Variants in DAB2IP observed in about 807,000 individuals in gnomAD.
The protein encoded by DAB2IP is disabled homolog 2-interacting protein.
DAB2IP carries 28 observed loss-of-function variants against 107.2 expected under a neutral mutation model. The observed-to-expected ratio is 0.26, with a 90% confidence interval of 0.19 to 0.36. The LOEUF (loss-of-function observed/expected upper bound fraction) is 0.36. DAB2IP is among the 10% of genes least tolerant of loss of function. DAB2IP has a pLI of 1.00. For missense variants in DAB2IP, 1,400 were observed against 1,644.7 expected (o/e 0.85, Z 2.57); for synonymous variants, 755 against 706.4 (o/e 1.07, Z -1.09).
chr9:121,749,592 C>G (rs1312191650), intron 3 of DAB2IP, among the ~76,000 whole-genome samples: 3 of 152,140 alleles, frequency 2.0e-5, no homozygotes, highest in Admixed American at 2.0e-4. Context: ...GGGCTGGAGA[C>G]TGGGGCTGGA....
Position 121,776,082 on chromosome 9 carries a change from C to G in DAB2IP, c.3121-116C>G. The G allele has an allele frequency of 8.0e-7, 1 of 1,251,546 alleles. No individual in the cohort carries two copies. 77.5% of individuals were successfully genotyped at this position (1,251,546 alleles called of 1,614,324 possible). On this transcript the variant is annotated intron_variant, in intron 13 of 15. Coordinates refer to ENST00000408936, the Ensembl canonical transcript of DAB2IP. The surrounding 1 kb of genome is among the most constrained non-coding windows in gnomAD (Gnocchi z 5.4). ...CTTGCTATGTGAAGTGGGCGGGTCA[C>G]AGCCACTGGGGCCTTTCAAGTGGGG...
At chr9:121,623,928 T>A (rs1221964093) in intron 1 of DAB2IP, among the ~76,000 whole-genome samples, 1 of 152,204 alleles carries the variant, frequency 6.6e-6, no homozygotes, top group African/African-American at 2.4e-5. Flanking sequence ...TTACTTCACA[T>A]CTGTAAGCTG....
At chr9:121,762,496 C>T (rs1833968155) in intron 6 of DAB2IP, among the ~76,000 whole-genome samples, 1 of 152,202 alleles carries the variant, frequency 6.6e-6, no homozygotes, top group Non-Finnish European at 1.5e-5. Context: ...ACAGCTTCCC[C>T]TTTGCCCCTG....
At chr9:121,614,125 G>T (rs1831184648) in intron 1 of DAB2IP, among the ~76,000 whole-genome samples, 1 of 152,130 alleles carries the variant, frequency 6.6e-6, no homozygotes, top group African/African-American at 2.4e-5. Context: ...CGGCTTCATA[G>T]GTCTATGTTG....
intron 3 of DAB2IP, among the ~76,000 whole-genome samples, chr9:121,734,466 C>T (rs886094151): frequency 6.6e-6 from 1 of 151,838 alleles, no homozygotes; most frequent in African/African-American, 2.4e-5. Flanking sequence ...GGAAGGAGGG[C>T]ACAGAGGAAG....
At chr9:121,747,781 G>A (rs895485232) in intron 3 of DAB2IP, among the ~76,000 whole-genome samples, 3 of 151,862 alleles carry the variant, frequency 2.0e-5, no homozygotes, top group Admixed American at 2.0e-4. Flanking sequence ...AAATTATTCA[G>A]GCTGCAGGAT....
intron 1 of DAB2IP, among the ~76,000 whole-genome samples, chr9:121,588,294 A>T (rs1305205106): frequency 6.6e-6 from 1 of 151,680 alleles, no homozygotes; most frequent in East Asian, 2.0e-4. Flanking sequence ...CCCTCCTGTG[A>T]CCTTGCCTGA....
intron 1 of DAB2IP, among the ~76,000 whole-genome samples, chr9:121,655,288 C>T (rs1832926053): frequency 6.6e-6 from 1 of 152,176 alleles, no homozygotes. Context: ...CAGCAAGGTG[C>T]CTCCCCACCT....
intron 6 of DAB2IP, among the ~76,000 whole-genome samples, chr9:121,762,255 G>A (rs1833949906): frequency 6.6e-6 from 1 of 152,154 alleles, no homozygotes; most frequent in Non-Finnish European, 1.5e-5. Flanking sequence ...GTGTGCATTG[G>A]TTTCCCCCTT....
rs760111041 is a variant in DAB2IP at position 121,763,723 on chromosome 9, A to T, written c.1316-12A>T. ...GGTCCTCACTCCCCACTCCCTGCCC[A>T]CTTGTCCATAGGTGAGTTCATCAAA... On this transcript the variant is annotated splice_polypyrimidine_tract_variant and intron_variant, in intron 7 of 15. Transcript: ENST00000408936. The T allele has an allele frequency of 1.2e-6, 2 of 1,613,438 alleles. No individual in the cohort carries two copies. The highest frequency in any genetic ancestry group is 1.7e-6 in the Non-Finnish European group (2 of 1,179,584).
chr9:121,770,927 G>C (rs78159768), intron 11 of DAB2IP, among the ~76,000 whole-genome samples: 3,996 of 150,384 alleles, frequency 0.027, 93 homozygotes, highest in African/African-American at 0.047. Context: ...TGATGCTATA[G>C]GTTTGTTTTG....
chr9:121,751,166 C>CT (rs142361523), intron 3 of DAB2IP: 6,196 of 173,136 alleles, frequency 0.036, 241 homozygotes, highest in African/African-American at 0.098. Flanking sequence ...GGACCTTTCC[C>CT]CCTGCCCGGC....
At chr9:121,688,396 C>T (rs1031444436) in intron 2 of DAB2IP, among the ~76,000 whole-genome samples, 10 of 152,184 alleles carry the variant, frequency 6.6e-5, no homozygotes, top group African/African-American at 2.4e-4. Flanking sequence ...ACGAGCTGAG[C>T]TTGTTACTCC....
chr9:121,606,846 C>T (rs1388743989), intron 1 of DAB2IP, among the ~76,000 whole-genome samples: 1 of 151,796 alleles, frequency 6.6e-6, no homozygotes, highest in African/African-American at 2.4e-5. Flanking sequence ...GTGATCTCAG[C>T]TCACTGCAAC....
chr9:121,717,896 C>T (rs1280300556), intron 3 of DAB2IP, among the ~76,000 whole-genome samples: 2 of 152,218 alleles, frequency 1.3e-5, no homozygotes, highest in Admixed American at 6.5e-5. Context: ...GGCCCAGAAG[C>T]CTCTAGCCCC....
At chr9:121,677,499 G>C (rs28446508) in intron 1 of DAB2IP, among the ~76,000 whole-genome samples, 2 of 152,058 alleles carry the variant, frequency 1.3e-5, no homozygotes, top group African/African-American at 4.8e-5. Flanking sequence ...CAGCCTGAGC[G>C]AAAGAGTGAG....
Position 121,633,261 on chromosome 9 carries a change from G to C in DAB2IP, c.41-45417G>C, listed in dbSNP as rs967921650. Reference sequence around the variant, plus strand: ...TCTAAATTGGGTCAGGGAAGCCTTCGAGGCCCAGAGAGAGGACATTCCCGC... The same window carrying C: ...TCTAAATTGGGTCAGGGAAGCCTTCCAGGCCCAGAGAGAGGACATTCCCGC... On this transcript the variant is annotated intron_variant, in intron 1 of 16. Transcript: ENST00000259371. The surrounding 1 kb of genome is among the most constrained non-coding windows in gnomAD (Gnocchi z 5.1). Among the ~76,000 whole-genome samples the C allele has an allele frequency of 6.6e-6, 1 of 152,094 alleles. No homozygotes were observed. The highest frequency in any genetic ancestry group is 2.4e-5 in the African/African-American group (1 of 41,422).
At chr9:121,576,549 A>C (rs989580261) in intron 1 of DAB2IP, among the ~76,000 whole-genome samples, 10 of 151,776 alleles carry the variant, frequency 6.6e-5, no homozygotes, top group African/African-American at 2.4e-4. Context: ...CTGCTATCCC[A>C]CTGCACTTTG....
chr9:121,597,186 TTGA>T (rs1414652334), intron 1 of DAB2IP, among the ~76,000 whole-genome samples: 1 of 152,262 alleles, frequency 6.6e-6, no homozygotes, highest in Non-Finnish European at 1.5e-5. Flanking sequence ...GATGTTTTTC[TTGA>T]TGATTTATGC....
Sources: allele counts gnomAD v4.1 joint callset (sites outside exome capture counted in the v4.1 genomes callset), GRCh38; gene constraint gnomAD v4.1.1; non-coding constraint Gnocchi (gnomAD v3.1); transcripts MANE v1.5; gene names NCBI Gene and HGNC (gene_info 2026-07-23, HGNC 2026-07-21).